TRPM3: variants seen among roughly 807,000 people sequenced by gnomAD.
TRPM3 encodes transient receptor potential cation channel subfamily M member 3, also known as long transient receptor potential channel 3.
In TRPM3, 77 loss-of-function variants were observed where a neutral mutation model predicts 181.2. That is an observed-to-expected ratio of 0.42 (90% confidence interval 0.35 to 0.51). The LOEUF is 0.51. Among genes scored for constraint, TRPM3 ranks in the 20% least tolerant of loss-of-function variants. TRPM3 has a pLI of 0.01. For synonymous variants in TRPM3, 745 were observed against 796.4 expected, an observed-to-expected ratio of 0.94 and a Z score of 1.09; for missense variants, 1,759 against 2,196.7, an observed-to-expected ratio of 0.80 and a Z score of 3.98.
At chr9:71,375,419 C>T (rs1326472491) in intron 1 of TRPM3, among the ~76,000 whole-genome samples, 1 of 152,134 alleles carries the variant, frequency 6.6e-6, no homozygotes, top group Admixed American at 6.6e-5. Context: ...ACTGTAAAAA[C>T]CCTAGAAGAA....
chr9:71,400,357 T>A (rs2093313536), intron 1 of TRPM3, among the ~76,000 whole-genome samples: 1 of 152,194 alleles, frequency 6.6e-6, no homozygotes. Flanking sequence ...AATTAAAACA[T>A]AATTGAGATA....
intron 9 of TRPM3, among the ~76,000 whole-genome samples, chr9:70,669,496 C>T (rs1011702635): frequency 1.3e-5 from 2 of 152,106 alleles, no homozygotes; most frequent in African/African-American, 4.8e-5. Flanking sequence ...CTCTCACTTA[C>T]TACCTATATT....
intron 8 of TRPM3, among the ~76,000 whole-genome samples, chr9:70,681,790 T>C (rs1433623801): frequency 2.0e-5 from 3 of 152,154 alleles, no homozygotes; most frequent in Non-Finnish European, 4.4e-5. Context: ...AGACCACTTA[T>C]AGTTGCACTG....
intron 1 of TRPM3, among the ~76,000 whole-genome samples, chr9:70,908,475 G>A (rs1437855216): frequency 6.6e-6 from 1 of 152,218 alleles, no homozygotes; most frequent in East Asian, 1.9e-4. Context: ...GAAATGTGGG[G>A]CCAAAATCCA....
In TRPM3 at chr9:70,854,751, C is replaced by T. The variant is rs2095341134; in HGVS notation, c.462+8157G>A. On this transcript the variant is annotated intron_variant, in intron 3 of 25. Transcript: ENST00000677713. ...CTATCTCTTCTCTTTCTGTCATTAGCGTCACTGCCTGGCAGCAGGAAGGCC... is the reference window on the plus strand; with the variant it reads ...CTATCTCTTCTCTTTCTGTCATTAGTGTCACTGCCTGGCAGCAGGAAGGCC... Among the ~76,000 whole-genome samples the T allele has an allele frequency of 2.6e-5, 4 of 152,236 alleles. No individual in the cohort carries two copies. In the South Asian group the frequency reaches 8.3e-4, roughly 32 times the overall value.
intron 1 of TRPM3, among the ~76,000 whole-genome samples, chr9:71,107,108 T>C (rs2069794913): frequency 6.6e-6 from 1 of 152,122 alleles, no homozygotes; most frequent in Admixed American, 6.6e-5. Flanking sequence ...TAAACAAGAA[T>C]GAGCTGTACA....
At chr9:70,783,771 T>A in intron 7 of TRPM3, 1 of 866,392 alleles carries the variant, frequency 1.2e-6, no homozygotes, top group Non-Finnish European at 1.4e-6. Context: ...GTGCTTCATG[T>A]GTTAAAACTC....
intron 1 of TRPM3, among the ~76,000 whole-genome samples, chr9:70,923,917 CATATATACACACATATATACAT>C (rs202131636): frequency 6.6e-5 from 7 of 105,718 alleles, no homozygotes; most frequent in East Asian, 4.0e-4. Context: ...CACATATATA[CATATATACACACATATATACAT>C]ATATATATAC....
intron 1 of TRPM3, among the ~76,000 whole-genome samples, chr9:71,203,993 A>G (rs955766743): frequency 8.5e-5 from 13 of 152,140 alleles, no homozygotes; most frequent in Admixed American, 2.6e-4. Flanking sequence ...TGGTGCTGGG[A>G]AAACTGGCTA....
rs75922039 is a variant in TRPM3, at chr9:70,750,665, A to G, written c.1272+10936T>C. Among the ~76,000 whole-genome samples, 1,088 of 152,304 alleles carry G rather than the reference A, an allele frequency of 7.1e-3. 11 individuals are homozygous for G. Among genetic ancestry groups the G allele is most frequent in the Non-Finnish European group, 0.011 (728 of 68,022 alleles). ...AGAAACTCAGAATAACTTGGCCACAATTGGCTGGTGGCGGTGGCAATGAGG... is the reference window on the plus strand; with the variant it reads ...AGAAACTCAGAATAACTTGGCCACAGTTGGCTGGTGGCGGTGGCAATGAGG... On this transcript the variant is annotated intron_variant, in intron 8 of 25. Transcript: ENST00000677713.
chr9:70,882,434 T>G (rs2096009937), intron 1 of TRPM3, among the ~76,000 whole-genome samples: 1 of 152,176 alleles, frequency 6.6e-6, no homozygotes, highest in African/African-American at 2.4e-5. Context: ...GTTGTCTTTT[T>G]CATTGCTGGT....
intron 22 of TRPM3, among the ~76,000 whole-genome samples, chr9:70,573,604 G>A (rs2053048964): frequency 6.6e-6 from 1 of 151,316 alleles, no homozygotes; most frequent in African/African-American, 2.4e-5. Context: ...CAATCAGGGA[G>A]GGCAAAAAAC....
intron 25 of TRPM3, among the ~76,000 whole-genome samples, chr9:70,546,463 C>T (rs1369097957): frequency 6.6e-6 from 1 of 152,120 alleles, no homozygotes; most frequent in Non-Finnish European, 1.5e-5. Flanking sequence ...TGCTGGGATG[C>T]ACACAAAAGC....
At chr9:70,988,830 G>A (rs543203939) in intron 1 of TRPM3, among the ~76,000 whole-genome samples, 3 of 152,310 alleles carry the variant, frequency 2.0e-5, no homozygotes, top group East Asian at 3.9e-4. Context: ...TACATGGGAA[G>A]GACCTGAGGG....
rs562398670 is a variant in TRPM3 at position 71,197,557 on chromosome 9, G to A, written c.183+249096C>T. On this transcript the variant is annotated intron_variant, in intron 1 of 24. Coordinates refer to the TRPM3 transcript ENST00000357533. ...GTTGTTTCCTGACTTTTTAATGATCGCCATTCTAACTGGTGTGAGATGGCA... is the reference window on the plus strand; with the variant it reads ...GTTGTTTCCTGACTTTTTAATGATCACCATTCTAACTGGTGTGAGATGGCA... Among the ~76,000 whole-genome samples the A allele has an allele frequency of 2.5e-3, 372 of 151,654 alleles. 5 individuals carry two copies. The highest frequency in any genetic ancestry group is 4.2e-3 in the South Asian group (20 of 4,772).
At chr9:70,917,997 T>C (rs1438038505) in intron 1 of TRPM3, among the ~76,000 whole-genome samples, 5 of 151,442 alleles carry the variant, frequency 3.3e-5, no homozygotes. Flanking sequence ...CAGGAGTAGG[T>C]ATACTTATAT....
chr9:70,867,532 C>T lies in TRPM3; in HGVS notation c.178-3021G>A, dbSNP rs111875819. On this transcript the variant is annotated intron_variant, in intron 1 of 25. Coordinates refer to ENST00000677713, the MANE Select transcript of TRPM3 (RefSeq NM_001366145.2). ...CATTGTTAGCAAAAAGACTGAGAAT[C>T]GTTTCTATATCTTATTATTAGCAGA... Among the ~76,000 whole-genome samples the T allele has an allele frequency of 4.8e-3, 733 of 152,162 alleles. 5 individuals carry two copies. The highest frequency in any genetic ancestry group is 0.017 in the African/African-American group (699 of 41,552).
chr9:71,366,404 C>G (rs60207051), intron 1 of TRPM3, among the ~76,000 whole-genome samples: 117 of 152,168 alleles, frequency 7.7e-4, no homozygotes, highest in African/African-American at 2.7e-3. Flanking sequence ...GGGAGAGGCC[C>G]TGTTGAGCTC....
At chr9:71,323,884 A>G (rs757157831) in intron 1 of TRPM3, among the ~76,000 whole-genome samples, 5 of 152,122 alleles carry the variant, frequency 3.3e-5, no homozygotes, top group Admixed American at 6.6e-5. Flanking sequence ...TTATTTGCTG[A>G]TCTTAGATGA....
Sources: gnomAD v4.1 joint callset for allele counts (sites outside exome capture counted in the v4.1 genomes callset) on GRCh38, gnomAD v4.1.1 for gene constraint, MANE v1.5 for transcripts, NCBI Gene and HGNC (gene_info 2026-07-23, HGNC 2026-07-21) for gene names.